The following EDIL3 variants were observed in gnomAD, a reference collection of about 807,000 sequenced individuals.
EDIL3 encodes the protein EGF like and discoidin domains 3.
A neutral mutation model predicts 67.4 loss-of-function variants in EDIL3; 37 were observed. The observed-to-expected ratio is 0.55, with a 90% CI of 0.42 to 0.72. The LOEUF is 0.72. Among genes scored for constraint, EDIL3 ranks in the 30% least tolerant of loss-of-function variants. EDIL3 has a pLI of 0.00. For synonymous variants in EDIL3, 195 were observed against 196.3 expected, an observed-to-expected ratio of 0.99 and a Z score of 0.05; for missense variants, 527 against 586.3, an observed-to-expected ratio of 0.90 and a Z score of 1.04.
At chr5:84,057,114 T>C (rs1425756696) in intron 9 of EDIL3, among the ~76,000 whole-genome samples, 3 of 152,110 alleles carry the variant, frequency 2.0e-5, no homozygotes, top group Non-Finnish European at 4.4e-5. Flanking sequence ...TCTGAATATG[T>C]TTTGATACAA....
At position 84,064,697 on chromosome 5, in the gene EDIL3, T is replaced by C. The variant is rs1423153531; in HGVS notation, c.952+3A>G. The stretch of plus-strand genomic sequence containing the variant: ...ATACAGAAATAGTTAATTTGAGACT[T>C]ACCCGACAGTTCACAGCCAAGAAGT... On this transcript the variant is annotated splice_donor_region_variant and intron_variant, in intron 8 of 10. Transcript: ENST00000296591. The C allele has an allele frequency of 1.6e-5, 26 of 1,611,134 alleles. No homozygotes were observed. Among genetic ancestry groups the C allele is most frequent in the South Asian group, 2.2e-5 (2 of 90,598 alleles).
chr5:84,331,242 C>T (rs1024216059), intron 1 of EDIL3, among the ~76,000 whole-genome samples: 1 of 152,118 alleles, frequency 6.6e-6, no homozygotes, highest in Non-Finnish European at 1.5e-5. Context: ...TAAGTTAAGA[C>T]TTTGGGAGAC....
At chr5:83,951,805 GAACATTT>G (rs1021469610) in intron 10 of EDIL3, among the ~76,000 whole-genome samples, 8 of 151,606 alleles carry the variant, frequency 5.3e-5, no homozygotes, top group Non-Finnish European at 1.2e-4. Flanking sequence ...ATTTTTTTTA[GAACATTT>G]AACTTCTGGC....
intron 1 of EDIL3, among the ~76,000 whole-genome samples, chr5:84,358,861 C>T (rs929885450): frequency 3.4e-4 from 51 of 152,200 alleles, no homozygotes; most frequent in African/African-American, 1.1e-3. Flanking sequence ...CCACCCACCT[C>T]GGCCTTCCAA....
chr5:84,219,390 G>C (rs1170945604), intron 3 of EDIL3, among the ~76,000 whole-genome samples: 1 of 152,132 alleles, frequency 6.6e-6, no homozygotes, highest in Non-Finnish European at 1.5e-5. Context: ...TCTATGAAAA[G>C]GTGCTCATAG....
intron 5 of EDIL3, among the ~76,000 whole-genome samples, chr5:84,113,708 T>C (rs1288382374): frequency 2.6e-5 from 4 of 152,208 alleles, no homozygotes. Context: ...GCCTTTCAAA[T>C]AAGTGAGATG....
chr5:84,114,288 T>A (rs1747626199), intron 5 of EDIL3, among the ~76,000 whole-genome samples: 1 of 151,580 alleles, frequency 6.6e-6, no homozygotes, highest in African/African-American at 2.4e-5. Flanking sequence ...GGAGTGAAGA[T>A]GAGAAGTTTA....
chr5:84,104,389 T>C (rs1479305261), intron 6 of EDIL3, among the ~76,000 whole-genome samples: 1 of 150,440 alleles, frequency 6.6e-6, no homozygotes, highest in Non-Finnish European at 1.5e-5. Flanking sequence ...AAAATAAAAG[T>C]TTCAAAAAAA....
chr5:84,362,607 C>T (rs1461890903), intron 1 of EDIL3, among the ~76,000 whole-genome samples: 1 of 152,230 alleles, frequency 6.6e-6, no homozygotes, highest in South Asian at 2.1e-4. Flanking sequence ...TTCCAATTGC[C>T]TGGGCTTATA....
chr5:84,340,534 CTATATATATATATA>C lies in EDIL3; in HGVS notation c.67+43760_67+43773del, dbSNP rs776456328. ...TCTCTCTCTCTCTCTCTCTCTCTCT[CTATATATATATATA>C]TATATATATATATATATATATATGT... On this transcript the variant is annotated intron_variant, in intron 1 of 10. Transcript: ENST00000296591. 2.5e-3 allele frequency among the ~76,000 whole-genome samples: 134 copies of C among 54,204 alleles called. 2 individuals carry two copies. The highest frequency in any genetic ancestry group is 0.014 in the Middle Eastern group (1 of 72). The allele number at this position is 54,204 out of a possible 152,430, so 35.6% of individuals were successfully genotyped here. A position where few individuals can be genotyped will look rare whatever the true frequency, so the allele number is the denominator to read the frequency against.
chr5:84,356,221 T>C (rs147131045), intron 1 of EDIL3, among the ~76,000 whole-genome samples: 1,624 of 152,368 alleles, frequency 0.011, 31 homozygotes, highest in African/African-American at 0.037. Flanking sequence ...ACCACTATTA[T>C]GTCTTTTAAA....
At chr5:84,106,575 G>C in intron 6 of EDIL3, 74 bp downstream of exon 6, 1 of 1,464,088 alleles carries the variant, frequency 6.8e-7, no homozygotes. Context: ...GTTCCCTTTT[G>C]TCTGCTTTTT....
At chr5:84,382,588 G>A (rs1189060029) in intron 1 of EDIL3, among the ~76,000 whole-genome samples, 9 of 152,218 alleles carry the variant, frequency 5.9e-5, no homozygotes, top group Admixed American at 5.9e-4. Flanking sequence ...GGAAGAGAAG[G>A]AGGAGAGGGG....
At chr5:84,064,040 T>G (rs16900868) in intron 8 of EDIL3, among the ~76,000 whole-genome samples, 8,426 of 152,184 alleles carry the variant, frequency 0.055, 791 homozygotes, top group African/African-American at 0.19. Context: ...TTATAGCTAA[T>G]ATTGATGTTC....
chr5:84,100,625 G>T (rs927668248), intron 6 of EDIL3, among the ~76,000 whole-genome samples: 8 of 152,116 alleles, frequency 5.3e-5, no homozygotes, highest in African/African-American at 1.9e-4. Flanking sequence ...TAATGCAGAT[G>T]ATGGATTGAT....
chr5:84,176,984 A>G (rs1459326263), intron 4 of EDIL3, among the ~76,000 whole-genome samples: 2 of 152,178 alleles, frequency 1.3e-5, no homozygotes, highest in Non-Finnish European at 2.9e-5. Context: ...ACTCTCATGC[A>G]TTGCTGCTAA....
chr5:84,205,156 T>A (rs1318363415), intron 3 of EDIL3, among the ~76,000 whole-genome samples: 1 of 151,084 alleles, frequency 6.6e-6, no homozygotes, highest in Non-Finnish European at 1.5e-5. Flanking sequence ...GCCCAACTGA[T>A]CCTCCCGCCT....
intron 9 of EDIL3, among the ~76,000 whole-genome samples, chr5:84,043,498 T>C (rs1746168012): frequency 6.6e-6 from 1 of 152,208 alleles, no homozygotes; most frequent in African/African-American, 2.4e-5. Flanking sequence ...ATATGTTGTA[T>C]ATATTGTGCT....
chr5:84,256,869 A>G (rs1238955128), intron 1 of EDIL3, among the ~76,000 whole-genome samples: 2 of 152,232 alleles, frequency 1.3e-5, no homozygotes, highest in African/African-American at 4.8e-5. Context: ...GGCTACAGAC[A>G]GGGAAATCAA....
Sources: allele counts gnomAD v4.1 joint callset (sites outside exome capture counted in the v4.1 genomes callset), GRCh38; gene constraint gnomAD v4.1.1; transcripts MANE v1.5; gene names NCBI Gene and HGNC (gene_info 2026-07-23, HGNC 2026-07-21).